UHMK1: variants seen among roughly 807,000 people sequenced by gnomAD.
UHMK1 encodes the protein U2AF homology motif kinase 1.
A neutral mutation model predicts 44.0 loss-of-function variants in UHMK1; 18 were observed. The observed-to-expected ratio is 0.41, with a 90% confidence interval of 0.28 to 0.61. The LOEUF is 0.61. Among genes scored for constraint, UHMK1 ranks in the 20% least tolerant of loss-of-function variants. UHMK1 has a pLI of 0.31. For missense variants in UHMK1, 463 were observed against 522.5 expected (o/e 0.89, Z 1.11); for synonymous variants, 231 against 198.5 (o/e 1.16, Z -1.38).
Position 162,522,617 on chromosome 1 carries a change from C to A in UHMK1, c.*67C>A. On this transcript the variant is annotated 3_prime_UTR_variant, in exon 8 of 8. Coordinates refer to ENST00000489294, the MANE Select transcript of UHMK1 (RefSeq NM_175866.5). ...TCTTGGGTTATTCCACATATGAATG[C>A]AGGACTACCCCCTTACCATTTTAAG... The A allele has an allele frequency of 6.7e-7, 1 of 1,490,130 alleles. No individual in the cohort carries two copies. The highest frequency in any genetic ancestry group is 9.2e-7 in the Non-Finnish European group (1 of 1,089,398). The allele number at this position is 1,490,130 out of a possible 1,614,324, so 92.3% of individuals were successfully genotyped here. A position where few individuals can be genotyped will look rare whatever the true frequency, so the allele number is the denominator to read the frequency against.
At chr1:162,504,415 A>G (rs182703944) in intron 4 of UHMK1, among the ~76,000 whole-genome samples, 23 of 152,326 alleles carry the variant, frequency 1.5e-4, no homozygotes, top group Middle Eastern at 3.4e-3. Context: ...ATCATATAGT[A>G]CTTACATAAA....
In UHMK1 at chr1:162,497,933, C is replaced by T; in HGVS notation, c.-68C>T. ...GCTGGTCCGGCTGGCGGAGATGTGACCGCGGGCCCGGCCGGCCTGCCTCAG... is the reference window on the plus strand; with the variant it reads ...GCTGGTCCGGCTGGCGGAGATGTGATCGCGGGCCCGGCCGGCCTGCCTCAG... On this transcript the variant is annotated 5_prime_UTR_variant, in exon 1 of 8. Transcript: ENST00000489294. 1 of 1,434,666 alleles carries T rather than the reference C, an allele frequency of 7.0e-7. No homozygotes were observed. The highest frequency in any genetic ancestry group is 9.1e-7 in the Non-Finnish European group (1 of 1,097,256). The allele number at this position is 1,434,666 out of a possible 1,614,324, so 88.9% of individuals were successfully genotyped here.
At chr1:162,510,561 C>G (rs1253085495) in intron 4 of UHMK1, among the ~76,000 whole-genome samples, 1 of 151,882 alleles carries the variant, frequency 6.6e-6, no homozygotes, top group African/African-American at 2.4e-5. Flanking sequence ...AGGATTTGCT[C>G]CTTTCAGTGG....
At chr1:162,519,861 C>G (rs1651990674) in intron 7 of UHMK1, among the ~76,000 whole-genome samples, 1 of 152,096 alleles carries the variant, frequency 6.6e-6, no homozygotes, top group South Asian at 2.1e-4. Flanking sequence ...AGATGTCTGT[C>G]CTCTAGGGGG....
At chr1:162,519,089 T>A (rs7544482) in intron 7 of UHMK1, among the ~76,000 whole-genome samples, 9 of 150,858 alleles carry the variant, frequency 6.0e-5, no homozygotes, top group African/African-American at 2.2e-4. Flanking sequence ...GGCCGAGGCG[T>A]GTGGATCACC....
chr1:162,517,845 C>T (rs573426396), intron 6 of UHMK1, among the ~76,000 whole-genome samples: 1 of 151,924 alleles, frequency 6.6e-6, no homozygotes, highest in Non-Finnish European at 1.5e-5. Context: ...CCACTGCACT[C>T]CAGCCTGGGG....
chr1:162,509,151 T>C (rs1015041548), intron 4 of UHMK1, among the ~76,000 whole-genome samples: 2 of 152,202 alleles, frequency 1.3e-5, no homozygotes, highest in East Asian at 3.8e-4. Flanking sequence ...AAAGAAAATA[T>C]ACTTGGGATA....
Position 162,528,915 on chromosome 1 carries a change from A to G in UHMK1, c.*6365A>G, listed in dbSNP as rs1652346140. 6.6e-6 allele frequency: 1 copy of G among 152,182 alleles called. No homozygotes were observed. Among genetic ancestry groups the G allele is most frequent in the African/African-American group, 2.4e-5 (1 of 41,474 alleles). The allele number at this position is 152,182 out of a possible 1,614,324, so 9.4% of individuals were successfully genotyped here. Reference sequence around the variant, plus strand: ...CTTAGAAAATCTAAGTATGATCAATAAATTTTAATGGTTGATGGCATCCTG... The same window carrying G: ...CTTAGAAAATCTAAGTATGATCAATGAATTTTAATGGTTGATGGCATCCTG... On this transcript the variant is annotated 3_prime_UTR_variant, in exon 8 of 8. Transcript: ENST00000489294.
rs114441096 is a variant in UHMK1 at position 162,510,071 on chromosome 1, A to C, written c.849-2429A>C. On this transcript the variant is annotated intron_variant, in intron 4 of 7. Coordinates refer to ENST00000489294, the MANE Select transcript of UHMK1 (RefSeq NM_175866.5). ...AGAGATACATTAATTTTATTAGACT[A>C]TAACAGCATCTCGGTCTTCTTTTTT... Among the ~76,000 whole-genome samples, 1,264 of 151,346 alleles carry C rather than the reference A, an allele frequency of 8.4e-3. 28 individuals carry two copies. The highest frequency in any genetic ancestry group is 0.029 in the African/African-American group (1,212 of 41,484).
intron 1 of UHMK1, among the ~76,000 whole-genome samples, chr1:162,499,584 T>C: frequency 6.6e-6 from 1 of 152,222 alleles, no homozygotes; most frequent in East Asian, 1.9e-4. Flanking sequence ...TCTTTTTTTT[T>C]AAAGGACCTC....
chr1:162,498,076 C>G lies in UHMK1; in HGVS notation c.76C>G (p.Gln26Glu), dbSNP rs1257989165. The G allele has an allele frequency of 6.2e-7, 1 of 1,611,418 alleles. No individual in the cohort carries two copies. The highest frequency in any genetic ancestry group is 8.5e-7 in the Non-Finnish European group (1 of 1,179,642). ...GGCCTTCGGGCGGCTGTGGCAGGTA[C>G]AGAGCCGTCTGGGTAGCGGCTCCTC... ...LEAFGRLWQV[Q>E]SRLGSGSSAS... Residue 26 changes from glutamine to glutamate, a missense_variant, in exon 1 of 8, where the codon CAG becomes GAG. Around this residue, in one of 3 missense-constraint regions of UHMK1, gnomAD observed 191 missense variants for 176.0 expected, o/e 1.09. Transcript: ENST00000489294.
At chr1:162,499,657 T>C (rs1269820829) in intron 1 of UHMK1, among the ~76,000 whole-genome samples, 1 of 152,202 alleles carries the variant, frequency 6.6e-6, no homozygotes, top group Non-Finnish European at 1.5e-5. Context: ...CATTTTTGCT[T>C]GGCACTCCAA....
rs975599678 is a variant in UHMK1, at chr1:162,526,902, A to G, written c.*4352A>G. ...GATATAATTTCATTTCTTGTCAATTATGGTCACATATAGACAAGTACTTGG... is the reference window on the plus strand; with the variant it reads ...GATATAATTTCATTTCTTGTCAATTGTGGTCACATATAGACAAGTACTTGG... On this transcript the variant is annotated 3_prime_UTR_variant, in exon 8 of 8. Transcript: ENST00000489294. 6.6e-6 allele frequency: 1 copy of G among 152,136 alleles called. No individual in the cohort carries two copies. The highest frequency in any genetic ancestry group is 1.5e-5 in the Non-Finnish European group (1 of 67,976). 9.4% of individuals were successfully genotyped at this position (152,136 alleles called of 1,614,324 possible).
Position 162,503,751 on chromosome 1 carries a change from A to C in UHMK1, c.754-3A>C, listed in dbSNP as rs1651365065. The C allele has an allele frequency of 6.2e-7, 1 of 1,613,166 alleles. No homozygotes were observed. The highest frequency in any genetic ancestry group is 1.1e-5 in the South Asian group (1 of 90,948). ...AAAGGAAAACTTTTCTCCGTTTTTT[A>C]AGGCAAACAGTTCTGCTATTATTGA... On this transcript the variant is annotated splice_polypyrimidine_tract_variant and splice_region_variant and intron_variant, in intron 3 of 7. Coordinates refer to ENST00000489294, the MANE Select transcript of UHMK1 (RefSeq NM_175866.5).
In UHMK1 at chr1:162,498,224, A is replaced by G; in HGVS notation, c.224A>G (p.Lys75Arg). 1 of 1,609,268 alleles carries G rather than the reference A, an allele frequency of 6.2e-7. No homozygotes were observed. The highest frequency in any genetic ancestry group is 2.2e-5 in the East Asian group (1 of 44,626). The change falls in exon 1 of 8, where the codon AAA (lysine) becomes AGA (arginine). Residue 75 changes from lysine (K) to arginine (R), a missense_variant. Transcript: ENST00000489294. The part of the protein sequence containing the change: ...AASAAEYGFR[K>R]ERAALEQLQG... ...TCTGCCGCCGAGTATGGTTTCCGCA[A>G]AGAGAGGGCGGCGCTGGAACAGTTG... is the stretch of plus-strand genomic sequence containing the variant.
In UHMK1 at chr1:162,522,513, C is replaced by T; in HGVS notation, c.1223C>T (p.Ala408Val). 1 of 1,614,116 alleles carries T rather than the reference C, an allele frequency of 6.2e-7. No individual in the cohort carries two copies. The highest frequency in any genetic ancestry group is 8.5e-7 in the Non-Finnish European group (1 of 1,180,010). The change falls in exon 8 of 8, where the codon GCC becomes GTC. Residue 408 changes from alanine (A) to valine (V), a missense_variant. Coordinates refer to ENST00000489294, the MANE Select transcript of UHMK1 (RefSeq NM_175866.5). ...GTGGCTACATTCTACCCGCTGAGTG[C>T]CTACAAGAGGGGATATCTGTATCAA... Reference protein sequence around the residue: ...FVVATFYPLSAYKRGYLYQTL... With the variant: ...FVVATFYPLSVYKRGYLYQTL...
At position 162,501,075 on chromosome 1, in the gene UHMK1, A is replaced by C; in HGVS notation, c.724A>C (p.Lys242Gln). 6.2e-7 allele frequency: 1 copy of C among 1,614,130 alleles called. No individual in the cohort carries two copies. Among genetic ancestry groups the C allele is most frequent in the Non-Finnish European group, 8.5e-7 (1 of 1,180,016 alleles). ...LLEMFSGMKL[K>Q]HTVRSQEWKA... is the part of the protein sequence containing the mutation. Reference sequence around the variant, plus strand: ...GGAAATGTTCTCAGGAATGAAACTGAAACATACAGTCAGATCTCAGGAATG... The same window carrying C: ...GGAAATGTTCTCAGGAATGAAACTGCAACATACAGTCAGATCTCAGGAATG... The change falls in exon 3 of 8, where the codon AAA becomes CAA. Residue 242 changes from lysine to glutamine, a missense_variant. Transcript: ENST00000489294.
chr1:162,503,943 T>C (rs1651374805), intron 4 of UHMK1, 95 bp downstream of exon 4: 4 of 922,350 alleles, frequency 4.3e-6, no homozygotes, highest in Non-Finnish European at 6.6e-6. Flanking sequence ...TTATTATTTC[T>C]ATGTAAGGAA....
intron 7 of UHMK1, among the ~76,000 whole-genome samples, chr1:162,520,474 T>G (rs1652016901): frequency 1.3e-5 from 2 of 151,778 alleles, no homozygotes; most frequent in Admixed American, 6.6e-5. Flanking sequence ...TGATAAGTGC[T>G]AGGGAGAAAA....
Sources: gnomAD v4.1 joint callset for allele counts (sites outside exome capture counted in the v4.1 genomes callset) on GRCh38, gnomAD v4.1.1 for gene constraint, gnomAD v4.1.1 regional missense constraint, MANE v1.5 for transcripts, NCBI Gene and HGNC (gene_info 2026-07-23, HGNC 2026-07-21) for gene names.